The following WDR7 variants were observed in gnomAD, a reference collection of about 807,000 sequenced individuals.
WDR7 encodes the protein WD repeat-containing protein 7.
In WDR7, 46 loss-of-function variants were observed where a neutral mutation model predicts 169.4. The observed-to-expected ratio is 0.27, with a 90% CI of 0.21 to 0.35. The LOEUF (loss-of-function observed/expected upper bound fraction) is 0.35, where lower values mean the gene tolerates loss of function less well. WDR7 is among the 10% of genes least tolerant of loss of function. WDR7 has a pLI of 1.00. For synonymous variants in WDR7, 612 were observed against 666.8 expected (o/e 0.92, Z 1.27); for missense variants, 1,534 against 1,859.3 (o/e 0.83, Z 3.22).
chr18:56,658,506 C>G (rs1023812704), intron 1 of WDR7, among the ~76,000 whole-genome samples: 1 of 152,204 alleles, frequency 6.6e-6, no homozygotes, highest in Non-Finnish European at 1.5e-5. Context: ...TCATGTTTCT[C>G]TCTGAATGTT....
intron 20 of WDR7, among the ~76,000 whole-genome samples, chr18:56,873,177 T>C (rs1599118266): frequency 1.3e-5 from 2 of 152,216 alleles, no homozygotes; most frequent in Non-Finnish European, 2.9e-5. Context: ...ATTTGAATAC[T>C]GATAAAAATT....
At chr18:57,002,496 ACT>A (rs1211749932) in intron 26 of WDR7, among the ~76,000 whole-genome samples, 13 of 152,174 alleles carry the variant, frequency 8.5e-5, no homozygotes, top group African/African-American at 3.1e-4. Flanking sequence ...TCTCTGAATT[ACT>A]GTTTATCGCA....
intron 14 of WDR7, among the ~76,000 whole-genome samples, chr18:56,754,935 A>G (rs771240994): frequency 6.6e-6 from 1 of 152,128 alleles, no homozygotes; most frequent in Non-Finnish European, 1.5e-5. Flanking sequence ...GACTTTCTCT[A>G]TACTGTTTTT....
chr18:56,667,003 A>T lies in WDR7; in HGVS notation c.-19-5494A>T, dbSNP rs74254791. Among the ~76,000 whole-genome samples, 429 of 152,292 alleles carry T rather than the reference A, an allele frequency of 2.8e-3. 5 individuals are homozygous for T. In the East Asian group the frequency reaches 0.039, roughly 14 times the overall value. ...GAGCGTTATTTCATAAACTTTTGAA[A>T]TGACTTGGTTTGGCAAAAGCTCATT... is the stretch of plus-strand genomic sequence containing the variant. On this transcript the variant is annotated intron_variant, in intron 1 of 27. Coordinates refer to ENST00000254442, the MANE Select transcript of WDR7 (RefSeq NM_015285.3).
intron 14 of WDR7, among the ~76,000 whole-genome samples, chr18:56,749,693 A>G (rs2043759146): frequency 6.6e-6 from 1 of 152,050 alleles, no homozygotes; most frequent in Non-Finnish European, 1.5e-5. Flanking sequence ...TAATATTAAA[A>G]AATGATTCTG....
At position 56,672,662 on chromosome 18, in the gene WDR7, A is replaced by G; in HGVS notation, c.147A>G (p.Ser49=). The G allele has an allele frequency of 6.2e-7, 1 of 1,608,768 alleles. No homozygotes were observed. Among genetic ancestry groups the G allele is most frequent in the Non-Finnish European group, 8.5e-7 (1 of 1,178,014 alleles). The change falls in exon 2 of 28, where the codon TCA becomes TCG. Residue 49 remains serine, a synonymous_variant. Transcript: ENST00000254442. The part of the protein sequence containing the change: ...HDGQICLWDL[S]VELQINPRAL... ...GACAAATATGTCTCTGGGATCTTTC[A>G]GTAGAACTGCAAGTGAGTATGTGAA...
At chr18:56,856,940 GT>G (rs2045730443) in intron 20 of WDR7, among the ~76,000 whole-genome samples, 1 of 152,094 alleles carries the variant, frequency 6.6e-6, no homozygotes, top group African/African-American at 2.4e-5. Flanking sequence ...TTATGTAATT[GT>G]TTTCCCTAAA....
chr18:56,906,148 C>G (rs1599146177), intron 21 of WDR7, among the ~76,000 whole-genome samples: 1 of 152,072 alleles, frequency 6.6e-6, no homozygotes, highest in Admixed American at 6.6e-5. Flanking sequence ...TCTAAGAAAT[C>G]GTTAAAAATT....
intron 1 of WDR7, among the ~76,000 whole-genome samples, chr18:56,671,541 G>A (rs931026685): frequency 1.3e-5 from 2 of 152,196 alleles, no homozygotes; most frequent in South Asian, 2.1e-4. Context: ...AAAGTGCTGG[G>A]ATTACAGGCG....
At chr18:56,958,530 TG>T (rs922821190) in intron 25 of WDR7, among the ~76,000 whole-genome samples, 5 of 152,166 alleles carry the variant, frequency 3.3e-5, no homozygotes, top group African/African-American at 1.2e-4. Context: ...TTAGACTGTT[TG>T]TATTTACCTT....
intron 16 of WDR7, among the ~76,000 whole-genome samples, chr18:56,768,250 G>A (rs1421962543): frequency 5.3e-5 from 8 of 151,894 alleles, no homozygotes; most frequent in African/African-American, 1.5e-4. Flanking sequence ...TTGAAAATTG[G>A]GTCTTTTTAA....
At chr18:56,652,727 A>G (rs1289159737) in intron 1 of WDR7, among the ~76,000 whole-genome samples, 4 of 152,200 alleles carry the variant, frequency 2.6e-5, no homozygotes, top group Non-Finnish European at 4.4e-5. Context: ...TTTACTGCCA[A>G]TCCTTATTTT....
At chr18:56,972,595 G>T (rs183148602) in intron 26 of WDR7, among the ~76,000 whole-genome samples, 1 of 152,228 alleles carries the variant, frequency 6.6e-6, no homozygotes, top group East Asian at 1.9e-4. Flanking sequence ...TAAGATGAAT[G>T]GTTGGAGAAG....
At position 56,923,957 on chromosome 18, in the gene WDR7, A is replaced by C; in HGVS notation, c.3562A>C (p.Ser1188Arg). 6.3e-7 allele frequency: 1 copy of C among 1,581,738 alleles called. No individual in the cohort carries two copies. The highest frequency in any genetic ancestry group is 8.6e-7 in the Non-Finnish European group (1 of 1,168,272). Reference protein sequence around the residue: ...ALTFLLLQPPSPKLPPHSTIR... With the variant: ...ALTFLLLQPPRPKLPPHSTIR... ...GACGTTTCTTCTGCTACAGCCTCCA[A>C]GCCCCAAACTTCCTCCACACAGCAC... The change falls in exon 22 of 28, where the codon AGC (serine) becomes CGC (arginine). Residue 1188 changes from serine to arginine, a missense_variant. Ser to Arg is a moderately radical substitution (Grantham distance 110). Coordinates refer to ENST00000254442, the MANE Select transcript of WDR7 (RefSeq NM_015285.3).
intron 26 of WDR7, among the ~76,000 whole-genome samples, chr18:56,994,702 A>G (rs978017466): frequency 1.3e-5 from 2 of 152,222 alleles, no homozygotes; most frequent in African/African-American, 2.4e-5. Context: ...TTGGTAAACC[A>G]TCTATCCATG....
intron 20 of WDR7, among the ~76,000 whole-genome samples, chr18:56,867,811 T>C (rs2045903048): frequency 6.6e-6 from 1 of 152,060 alleles, no homozygotes; most frequent in Non-Finnish European, 1.5e-5. Flanking sequence ...GTGCAAAAAA[T>C]TCAAGGACTG....
At chr18:56,938,321 A>G (rs2046986381) in intron 23 of WDR7, among the ~76,000 whole-genome samples, 2 of 152,242 alleles carry the variant, frequency 1.3e-5, no homozygotes, top group Non-Finnish European at 2.9e-5. Context: ...AACGTCTCAT[A>G]TAATGTTCAG....
At chr18:56,959,313 T>C (rs2145764537) in intron 25 of WDR7, among the ~76,000 whole-genome samples, 1 of 152,264 alleles carries the variant, frequency 6.6e-6, no homozygotes, top group African/African-American at 2.4e-5. Flanking sequence ...GTTGAAAAGT[T>C]ACTCTGACTG....
intron 12 of WDR7, among the ~76,000 whole-genome samples, chr18:56,703,501 A>T (rs1439202687): frequency 6.6e-6 from 1 of 152,210 alleles, no homozygotes; most frequent in Non-Finnish European, 1.5e-5. Context: ...CAAACTAAGC[A>T]AAAACAGGAA....
Sources: gnomAD v4.1 joint callset for allele counts (sites outside exome capture counted in the v4.1 genomes callset) on GRCh38, gnomAD v4.1.1 for gene constraint, MANE v1.5 for transcripts, NCBI Gene and HGNC (gene_info 2026-07-23, HGNC 2026-07-21) for gene names.